The following DGLUCY variants were observed in gnomAD, a reference collection of about 807,000 sequenced individuals.
The protein encoded by DGLUCY is D-glutamate cyclase, mitochondrial.
In DGLUCY, 58 loss-of-function variants were observed where a neutral mutation model predicts 58.5. The ratio of observed to expected loss-of-function variants is 0.99; its 90% confidence interval spans 0.80 to 1.23. The LOEUF is 1.23. Ranked by LOEUF, DGLUCY falls within the 50% of genes most tolerant of loss-of-function variation. The pLI is 0.00. For missense variants in DGLUCY, 779 were observed against 784.7 expected, an observed-to-expected ratio of 0.99 and a Z score of 0.09; for synonymous variants, 325 against 314.1, an observed-to-expected ratio of 1.03 and a Z score of -0.37.
upstream of DGLUCY, among the ~76,000 whole-genome samples, chr14:91,112,950 G>T (rs912622105): frequency 8.0e-6 from 1 of 125,626 alleles, no homozygotes; most frequent in African/African-American, 3.0e-5. Context: ...AGTGAGCCAA[G>T]ATCGCACCAC....
At chr14:91,065,112 G>A (rs2043799219) in intron 1 of DGLUCY, among the ~76,000 whole-genome samples, 1 of 152,174 alleles carries the variant, frequency 6.6e-6, no homozygotes, top group Non-Finnish European at 1.5e-5. Context: ...CTTAAGCACT[G>A]TGCTGAGTGA....
At chr14:91,195,153 C>T (rs1233760881) in intron 9 of DGLUCY, among the ~76,000 whole-genome samples, 1 of 152,160 alleles carries the variant, frequency 6.6e-6, no homozygotes, top group South Asian at 2.1e-4. Flanking sequence ...AGTCTGGGAG[C>T]TCCTGCAGGA....
intron 1 of DGLUCY, among the ~76,000 whole-genome samples, chr14:91,102,071 G>C (rs909726933): frequency 1.3e-5 from 2 of 151,828 alleles, no homozygotes; most frequent in Non-Finnish European, 2.9e-5. Flanking sequence ...ATTTAAAGTG[G>C]TAGATATCTC....
At chr14:91,091,859 G>C (rs1172296395) in intron 1 of DGLUCY, among the ~76,000 whole-genome samples, 1 of 152,098 alleles carries the variant, frequency 6.6e-6, no homozygotes, top group Admixed American at 6.6e-5. Context: ...TGAGCATTTT[G>C]GGACACGGCC....
At chr14:91,218,055 G>A (rs74086307) in intron 13 of DGLUCY, among the ~76,000 whole-genome samples, 1,635 of 152,294 alleles carry the variant, frequency 0.011, 33 homozygotes, top group African/African-American at 0.038. Flanking sequence ...CATTCTCTGT[G>A]CTTTTCCCAA....
At chr14:91,103,979 G>A (rs895466507), upstream of DGLUCY, among the ~76,000 whole-genome samples, 17 of 149,714 alleles carry the variant, frequency 1.1e-4, no homozygotes, top group Admixed American at 1.1e-3. Context: ...TTTGGCTTCC[G>A]CCCACCACTC....
intron 1 of DGLUCY, among the ~76,000 whole-genome samples, chr14:91,074,294 CAAAAAA>C (rs55872945): frequency 1.4e-4 from 14 of 103,308 alleles, no homozygotes; most frequent in African/African-American, 5.1e-4. Flanking sequence ...TACCCTGTCT[CAAAAAA>C]AAAAAAAAAA....
chr14:91,169,105 TA>T (rs962071327), intron 4 of DGLUCY, among the ~76,000 whole-genome samples: 2 of 150,894 alleles, frequency 1.3e-5, no homozygotes, highest in Admixed American at 1.3e-4. Flanking sequence ...AATAAATAAA[TA>T]AAAAACATTA....
At chr14:91,198,255 G>A (rs574764339) in intron 10 of DGLUCY, among the ~76,000 whole-genome samples, 1 of 151,578 alleles carries the variant, frequency 6.6e-6, no homozygotes, top group South Asian at 2.1e-4. Context: ...TGTTGACCAG[G>A]CTGGTCTCGA....
chr14:91,199,384 C>G (rs890336609), intron 10 of DGLUCY, among the ~76,000 whole-genome samples: 1 of 151,958 alleles, frequency 6.6e-6, no homozygotes, highest in Non-Finnish European at 1.5e-5. Flanking sequence ...ATCAGCCTCC[C>G]GAGTAGCTGG....
intron 1 of DGLUCY, among the ~76,000 whole-genome samples, chr14:91,151,384 C>T (rs1011324313): frequency 4.6e-5 from 7 of 151,902 alleles, no homozygotes; most frequent in Non-Finnish European, 7.4e-5. Flanking sequence ...GGACTACAGG[C>T]GCCCACCACC....
intron 12 of DGLUCY, among the ~76,000 whole-genome samples, chr14:91,214,675 G>T (rs34395467): frequency 0.016 from 2,369 of 152,218 alleles, 71 homozygotes; most frequent in African/African-American, 0.055. Flanking sequence ...TCAAACTTTG[G>T]CTTGGATCAG....
chr14:91,065,391 G>C (rs2140016418), intron 1 of DGLUCY, among the ~76,000 whole-genome samples: 1 of 152,302 alleles, frequency 6.6e-6, no homozygotes, highest in East Asian at 1.9e-4. Context: ...AGGCAATGAA[G>C]CCAGGATAAG....
intron 1 of DGLUCY, among the ~76,000 whole-genome samples, chr14:91,148,056 C>G (rs779641995): frequency 6.6e-5 from 10 of 152,044 alleles, no homozygotes; most frequent in Admixed American, 2.0e-4. Flanking sequence ...CACCTGTAAT[C>G]CCAGCTACTT....
At chr14:91,111,344 C>G (rs966916324), upstream of DGLUCY, among the ~76,000 whole-genome samples, 4 of 150,802 alleles carry the variant, frequency 2.7e-5, no homozygotes, top group Admixed American at 6.6e-5. Context: ...GCAGTGGCAC[C>G]ATCTCGGCTC....
At chr14:91,152,709 A>T (rs2047396321) in intron 1 of DGLUCY, among the ~76,000 whole-genome samples, 1 of 152,096 alleles carries the variant, frequency 6.6e-6, no homozygotes, top group Non-Finnish European at 1.5e-5. Flanking sequence ...CTGCACACCT[A>T]CTCATTTTGT....
At chr14:91,191,143 G>T (rs548127039) in intron 9 of DGLUCY, among the ~76,000 whole-genome samples, 1 of 152,216 alleles carries the variant, frequency 6.6e-6, no homozygotes, top group Non-Finnish European at 1.5e-5. Flanking sequence ...GACCTGAGGT[G>T]TAAGTGACAC....
rs1194090963 is a variant in DGLUCY at position 91,108,526 on chromosome 14, T to TGAGAGAGA, written c.-82+492_-82+499dup. Among the ~76,000 whole-genome samples the TGAGAGAGA allele has an allele frequency of 2.4e-3, 126 of 52,180 alleles. 5 individuals carry two copies. Among genetic ancestry groups the TGAGAGAGA allele is most frequent in the South Asian group, 0.022 (16 of 732 alleles). 34.2% of individuals were successfully genotyped at this position (52,180 alleles called of 152,430 possible). ...GTGTGTGTGTGTGTGTGTGTGTGTGTGAGAGAGAGAGAGAGAGAGAGAGAG... is the reference window on the plus strand; with the variant it reads ...GTGTGTGTGTGTGTGTGTGTGTGTGTGAGAGAGAGAGAGAGAGAGAGAGAGAGAGAGAG... On this transcript the variant is annotated intron_variant, in intron 1 of 4. Coordinates refer to the DGLUCY transcript ENST00000518871.
chr14:91,161,637 A>G (rs1429835679), intron 3 of DGLUCY, among the ~76,000 whole-genome samples: 2 of 152,146 alleles, frequency 1.3e-5, no homozygotes, highest in Non-Finnish European at 2.9e-5. Context: ...AATAAGTCCT[A>G]ATGCCCAAAC....
Sources: gnomAD v4.1 joint callset for allele counts (sites outside exome capture counted in the v4.1 genomes callset) on GRCh38, gnomAD v4.1.1 for gene constraint, MANE v1.5 for transcripts, NCBI Gene and HGNC (gene_info 2026-07-23, HGNC 2026-07-21) for gene names.